The following SPDYE2B variants were observed in gnomAD, a reference collection of about 807,000 sequenced individuals.
SPDYE2B encodes speedy protein E2B.
Position 102,660,315 on chromosome 7 carries a change from AT to A in SPDYE2B, c.*45+6del. ...AGGTCATCGGCCTGAGAGAAGGTAC[AT>A]CTGCATCCTCTGGGGTAAAGGCAGA... On this transcript the variant is annotated splice_donor_region_variant and intron_variant, in intron 8 of 8. Coordinates refer to ENST00000507450, the MANE Select transcript of SPDYE2B (RefSeq NM_001166339.2). The A allele has an allele frequency of 1.1e-5, 1 of 93,236 alleles. No homozygotes were observed. Among genetic ancestry groups the A allele is most frequent in the Non-Finnish European group, 1.8e-5 (1 of 55,434 alleles). The allele number at this position is 93,236 out of a possible 1,614,324, so 5.8% of individuals were successfully genotyped here.
rs1316060878 is a variant in SPDYE2B at position 102,655,026 on chromosome 7, G to T, written c.422G>T (p.Trp141Leu). 5 of 23,500 alleles carry T rather than the reference G, an allele frequency of 2.1e-4. No individual in the cohort carries two copies. Among genetic ancestry groups the T allele is most frequent in the South Asian group, 8.5e-4 (5 of 5,874 alleles). The allele number at this position is 23,500 out of a possible 1,614,324, so 1.5% of individuals were successfully genotyped here. A position where few individuals can be genotyped will look rare whatever the true frequency, so the allele number is the denominator to read the frequency against. The stretch of plus-strand genomic sequence containing the variant: ...AGCCCCCCGCATAGGTCCTTTTGCT[G>T]GAAAAGGAAGATGGAGTGGTGGGAC... ...DPSPPHRSFC[W>L]KRKMEWWDES... The change falls in exon 4 of 9, where the codon TGG becomes TTG. Residue 141 changes from tryptophan (W) to leucine (L), a missense_variant. Transcript: ENST00000507450.
chr7:102,654,316 C>G, intron 3 of SPDYE2B, among the ~76,000 whole-genome samples: 1 of 86,016 alleles, frequency 1.2e-5, no homozygotes, highest in East Asian at 4.4e-4. Flanking sequence ...GAGAGTGAGA[C>G]GCTGTCTCAA....
intron 3 of SPDYE2B, among the ~76,000 whole-genome samples, chr7:102,654,716 C>T (rs1584228211): frequency 4.8e-5 from 1 of 20,810 alleles, no homozygotes; most frequent in African/African-American, 1.0e-4. Flanking sequence ...ACGACAACAA[C>T]GAAAAAAAAA....
intron 3 of SPDYE2B, among the ~76,000 whole-genome samples, chr7:102,654,324 C>CAA (rs1284683166): frequency 6.9e-4 from 66 of 96,020 alleles, no homozygotes; most frequent in African/African-American, 1.0e-3. Context: ...GACGCTGTCT[C>CAA]AAAAAAAAAA....
At chr7:102,658,825 ATGCCTGTAGAAGGCAGGGTCC>A (rs1791913807) in intron 6 of SPDYE2B, among the ~76,000 whole-genome samples, 2 of 148,386 alleles carry the variant, frequency 1.3e-5, no homozygotes, top group African/African-American at 4.9e-5. Flanking sequence ...ATTAGACTAG[ATGCCTGTAGAAGGCAGGGTCC>A]TGGCAAAATA....
chr7:102,659,184 T>C (rs1791925851), intron 6 of SPDYE2B, among the ~76,000 whole-genome samples: 1 of 151,432 alleles, frequency 6.6e-6, no homozygotes, highest in Non-Finnish European at 1.5e-5. Context: ...CTAACGGGTG[T>C]GCCACCGCAC....
In SPDYE2B at chr7:102,657,574, G is replaced by GT; in HGVS notation, c.694dup (p.Tyr232LeufsTer26). ...AGTATCTCCTGGCTATGGTCATAGCGTATTTCAGCCGGGCCGGCTTCCCCT... is the reference window on the plus strand; with the variant it reads ...AGTATCTCCTGGCTATGGTCATAGCGTTATTTCAGCCGGGCCGGCTTCCCCT... On this transcript the variant is annotated frameshift_variant, in exon 6 of 9. Coordinates refer to ENST00000507450, the MANE Select transcript of SPDYE2B (RefSeq NM_001166339.2). LOFTEE classifies it high-confidence loss of function. 3.2e-6 allele frequency: 1 copy of GT among 315,662 alleles called. No individual in the cohort carries two copies. The highest frequency in any genetic ancestry group is 2.8e-5 in the South Asian group (1 of 36,322). 19.6% of individuals were successfully genotyped at this position (315,662 alleles called of 1,614,324 possible). A position where few individuals can be genotyped will look rare whatever the true frequency, so the allele number is the denominator to read the frequency against.
chr7:102,662,006 A>C lies in SPDYE2B; in HGVS notation c.*906A>C, dbSNP rs1451935398. ...TTAACATGCCTCAGATATATATACTAACACGTCTAATATATACTATCTATT... is the reference window on the plus strand; with the variant it reads ...TTAACATGCCTCAGATATATATACTCACACGTCTAATATATACTATCTATT... On this transcript the variant is annotated 3_prime_UTR_variant, in exon 9 of 9. Coordinates refer to ENST00000507450, the MANE Select transcript of SPDYE2B (RefSeq NM_001166339.2). Among the ~76,000 whole-genome samples the C allele has an allele frequency of 4.0e-5, 1 of 25,162 alleles. No individual in the cohort carries two copies. Among genetic ancestry groups the C allele is most frequent in the African/African-American group, 6.3e-5 (1 of 15,916 alleles). 16.5% of individuals were successfully genotyped at this position (25,162 alleles called of 152,430 possible). A position where few individuals can be genotyped will look rare whatever the true frequency, so the allele number is the denominator to read the frequency against.
At position 102,662,107 on chromosome 7, in the gene SPDYE2B, ATATT is replaced by A. The variant is rs1332191838; in HGVS notation, c.*1018_*1021del. ...TTATTTATTTAAATATTTATTAAAT[ATATT>A]TATTTATTTAAATATTATTACTTTA... On this transcript the variant is annotated 3_prime_UTR_variant, in exon 9 of 9. Transcript: ENST00000507450. Among the ~76,000 whole-genome samples, 17 of 82,328 alleles carry A rather than the reference ATATT, an allele frequency of 2.1e-4. 4 individuals are homozygous for A. Among genetic ancestry groups the A allele is most frequent in the South Asian group, 8.1e-4 (2 of 2,458 alleles). The allele number at this position is 82,328 out of a possible 152,430, so 54.0% of individuals were successfully genotyped here. A position where few individuals can be genotyped will look rare whatever the true frequency, so the allele number is the denominator to read the frequency against.
At chr7:102,654,324 CAA>C (rs1284683166) in intron 3 of SPDYE2B, among the ~76,000 whole-genome samples, 1,415 of 95,528 alleles carry the variant, frequency 0.015, no homozygotes, top group African/African-American at 0.033. Context: ...GACGCTGTCT[CAA>C]AAAAAAAAAA....
chr7:102,654,224 C>G (rs1791807983), intron 3 of SPDYE2B, among the ~76,000 whole-genome samples: 1 of 93,784 alleles, frequency 1.1e-5, no homozygotes, highest in Non-Finnish European at 2.1e-5. Context: ...ACTCAGGAGG[C>G]TGAGACAGGA....
In SPDYE2B at chr7:102,661,801, C is replaced by A. The variant is rs1584231487; in HGVS notation, c.*701C>A. Among the ~76,000 whole-genome samples, 9 of 9,768 alleles carry A rather than the reference C, an allele frequency of 9.2e-4. No homozygotes were observed. In the South Asian group the frequency reaches 0.053, roughly 57 times the overall value. 6.4% of individuals were successfully genotyped at this position (9,768 alleles called of 152,430 possible). ...TATTTTATTATCTTTAAATTTGTTTCTGTATTATTACATGTGCTCCTGAAG... is the reference window on the plus strand; with the variant it reads ...TATTTTATTATCTTTAAATTTGTTTATGTATTATTACATGTGCTCCTGAAG... On this transcript the variant is annotated 3_prime_UTR_variant, in exon 9 of 9. Transcript: ENST00000507450.
chr7:102,651,087 AT>A (rs1479819735), intron 1 of SPDYE2B, among the ~76,000 whole-genome samples: 1 of 115,848 alleles, frequency 8.6e-6, no homozygotes, highest in Non-Finnish European at 1.8e-5. Flanking sequence ...TAACTCTTTT[AT>A]TTTTTATCAA....
chr7:102,656,548 GC>G (rs1791884052), intron 5 of SPDYE2B, among the ~76,000 whole-genome samples: 1 of 43,958 alleles, frequency 2.3e-5, no homozygotes, highest in African/African-American at 4.7e-5. Context: ...CTGGGTTCAA[GC>G]GATTCTCCTG....
At chr7:102,660,335 AG>A in intron 8 of SPDYE2B, 25 bp downstream of exon 8, 2 of 251,794 alleles carry the variant, frequency 7.9e-6, no homozygotes, top group East Asian at 1.5e-4. Context: ...TCTGGGGTAA[AG>A]GCAGAATATT....
chr7:102,654,346 A>G (rs1791818215), intron 3 of SPDYE2B, among the ~76,000 whole-genome samples: 1 of 141,252 alleles, frequency 7.1e-6, no homozygotes, highest in African/African-American at 2.6e-5. Context: ...AAAAAAAAAA[A>G]GGAAGGAAGG....
At chr7:102,653,074 TGA>T (rs1791755292) in intron 2 of SPDYE2B, 1 of 68,114 alleles carries the variant, frequency 1.5e-5, no homozygotes, top group Non-Finnish European at 4.0e-5. Context: ...CCCAGCTACC[TGA>T]GAGGCTGAGG....
rs1791954582 is a variant in SPDYE2B at position 102,662,396 on chromosome 7, C to A, written c.*1296C>A. 1.5e-4 allele frequency among the ~76,000 whole-genome samples: 3 copies of A among 20,258 alleles called. No homozygotes were observed. The highest frequency in any genetic ancestry group is 2.3e-4 in the African/African-American group (3 of 12,906). The allele number at this position is 20,258 out of a possible 152,430, so 13.3% of individuals were successfully genotyped here. On this transcript the variant is annotated 3_prime_UTR_variant, in exon 9 of 9. Transcript: ENST00000507450. ...TTACATTTATAGCTATGTAGTAGTTCCCCTAAATTCTTGTAAAAATAAATT... is the reference window on the plus strand; with the variant it reads ...TTACATTTATAGCTATGTAGTAGTTACCCTAAATTCTTGTAAAAATAAATT...
chr7:102,660,459 GACGC>G, intron 8 of SPDYE2B, 149 bp downstream of exon 8: 3 of 399,602 alleles, frequency 7.5e-6, no homozygotes, highest in South Asian at 6.8e-5. Flanking sequence ...GGCGATGTGG[GACGC>G]ATCTCTACTC....
Sources: allele counts gnomAD v4.1 joint callset (sites outside exome capture counted in the v4.1 genomes callset), GRCh38; gene constraint gnomAD v4.1.1; transcripts MANE v1.5; gene names NCBI Gene and HGNC (gene_info 2026-07-23, HGNC 2026-07-21).